The following ZNF362 variants were observed in gnomAD, a reference collection of about 807,000 sequenced individuals.
The protein encoded by ZNF362 is rotund homolog.
Under a neutral mutation model 42.9 loss-of-function variants are expected in ZNF362, and 11 were observed. The ratio of observed to expected loss-of-function variants is 0.26; its 90% confidence interval spans 0.16 to 0.42. The LOEUF is 0.42. Among genes scored for constraint, ZNF362 ranks in the 20% least tolerant of loss-of-function variants. The pLI, the probability that ZNF362 is intolerant of heterozygous loss-of-function variation, is 1.00. For missense variants in ZNF362, 362 were observed against 576.2 expected (o/e 0.63, Z 3.81); for synonymous variants, 255 against 257.3 (o/e 0.99, Z 0.09).
chr1:33,193,024 C>T, the ZNF362 span, among the ~76,000 whole-genome samples: 14 of 119,810 alleles, frequency 1.2e-4, no homozygotes, highest in East Asian at 2.8e-4. Context: ...TATATATATA[C>T]GCATATATAT....
the ZNF362 span, among the ~76,000 whole-genome samples, chr1:33,234,686 G>C: frequency 6.6e-6 from 1 of 152,164 alleles, no homozygotes; most frequent in Non-Finnish European, 1.5e-5. Flanking sequence ...CTGGGATGCT[G>C]GTCCTGACTT....
chr1:33,251,612 C>A (rs1645762333), upstream of ZNF362, among the ~76,000 whole-genome samples: 1 of 152,198 alleles, frequency 6.6e-6, no homozygotes, highest in South Asian at 2.1e-4. Context: ...TAAACCCTTA[C>A]CTATCTGGGC....
chr1:33,169,236 C>T, the ZNF362 span, among the ~76,000 whole-genome samples: 6,900 of 152,150 alleles, frequency 0.045, 260 homozygotes, highest in African/African-American at 0.1. Flanking sequence ...TGCTCCTCTC[C>T]CCATATTCCC....
chr1:33,275,041 G>A (rs1645933341), intron 2 of ZNF362: 1 of 985,260 alleles, frequency 1.0e-6, no homozygotes, highest in Non-Finnish European at 1.2e-6. Context: ...GAGGTTGAAA[G>A]CACTTCATTT....
At chr1:33,161,503 C>T in the ZNF362 span, among the ~76,000 whole-genome samples, 7 of 152,288 alleles carry the variant, frequency 4.6e-5, no homozygotes, top group African/African-American at 1.2e-4. This position sits in a 1 kb window ranked among gnomAD's most constrained non-coding sequence, Gnocchi z 4.3. Flanking sequence ...GTTCCCTCCC[C>T]GACGCGCGGC....
chr1:33,164,685 AG>A, the ZNF362 span: 2 of 152,244 alleles, frequency 1.3e-5, no homozygotes, highest in Non-Finnish European at 2.9e-5. Context: ...CCTGAGCTTA[AG>A]GGGAGATGAT....
chr1:33,218,986 C>CACACATA, the ZNF362 span, among the ~76,000 whole-genome samples: 1 of 146,376 alleles, frequency 6.8e-6, no homozygotes. Context: ...CACACATACA[C>CACACATA]CACCCCCTGC....
the ZNF362 span, among the ~76,000 whole-genome samples, chr1:33,137,466 G>C: frequency 6.6e-6 from 1 of 152,156 alleles, no homozygotes; most frequent in South Asian, 2.1e-4. Context: ...AGGCGTACAG[G>C]GACTTTGAGA....
the ZNF362 span, among the ~76,000 whole-genome samples, chr1:33,250,848 A>AG: frequency 1.1e-4 from 14 of 128,560 alleles, no homozygotes; most frequent in East Asian, 4.5e-4. Flanking sequence ...GAAAGAAGAA[A>AG]GAAGGAAGAA....
upstream of ZNF362, among the ~76,000 whole-genome samples, chr1:33,251,722 AC>A (rs1176858361): frequency 6.6e-6 from 1 of 152,140 alleles, no homozygotes; most frequent in South Asian, 2.1e-4. Context: ...ACCTTCACGT[AC>A]TGTTCTCTCT....
At chr1:33,160,514 C>G in the ZNF362 span, among the ~76,000 whole-genome samples, 1 of 152,080 alleles carries the variant, frequency 6.6e-6, no homozygotes, top group Non-Finnish European at 1.5e-5. Context: ...AGGCGATTCT[C>G]CAGCCTCAGC....
chr1:33,202,338 T>G, the ZNF362 span, among the ~76,000 whole-genome samples: 1 of 152,206 alleles, frequency 6.6e-6, no homozygotes, highest in Non-Finnish European at 1.5e-5. Flanking sequence ...GGCTCACGCC[T>G]GTAATCCCAG....
the ZNF362 span, among the ~76,000 whole-genome samples, chr1:33,173,941 A>C: frequency 6.6e-6 from 1 of 151,954 alleles, no homozygotes; most frequent in Non-Finnish European, 1.5e-5. Context: ...TCTGGCCTCA[A>C]ATGATCCTCC....
chr1:33,250,890 A>AAGAAGAAGAAGAAGG, the ZNF362 span, among the ~76,000 whole-genome samples: 2 of 150,956 alleles, frequency 1.3e-5, no homozygotes, highest in Non-Finnish European at 3.0e-5. Context: ...GAAGAAGAAG[A>AAGAAGAAGAAGAAGG]AGAAGGAGAA....
At chr1:33,277,688 T>C (rs551120954) in intron 4 of ZNF362, among the ~76,000 whole-genome samples, 2 of 152,006 alleles carry the variant, frequency 1.3e-5, no homozygotes, top group African/African-American at 2.4e-5. Flanking sequence ...GAGGACAGGA[T>C]GTAGGAGCAT....
chr1:33,164,259 G>C, the ZNF362 span: 1 of 152,314 alleles, frequency 6.6e-6, no homozygotes, highest in Non-Finnish European at 1.5e-5. Context: ...GGCCAAGCTG[G>C]GGCATAGATC....
At chr1:33,221,990 C>T in the ZNF362 span, among the ~76,000 whole-genome samples, 3 of 151,968 alleles carry the variant, frequency 2.0e-5, no homozygotes, top group Non-Finnish European at 4.4e-5. Flanking sequence ...AGGAAGAGGG[C>T]GACAAGGAGA....
At chr1:33,227,067 G>A in the ZNF362 span, among the ~76,000 whole-genome samples, 1 of 152,116 alleles carries the variant, frequency 6.6e-6, no homozygotes, top group Non-Finnish European at 1.5e-5. Flanking sequence ...AGGGTACAAG[G>A]TTTCTTTTTT....
upstream of ZNF362, among the ~76,000 whole-genome samples, chr1:33,255,529 T>G (rs900661880): frequency 1.3e-5 from 2 of 151,744 alleles, no homozygotes; most frequent in African/African-American, 4.9e-5. Flanking sequence ...CTGACACAGC[T>G]CGGGAGGCCG....
Sources: gnomAD v4.1 joint callset for allele counts (sites outside exome capture counted in the v4.1 genomes callset) on GRCh38, gnomAD v4.1.1 for gene constraint, Gnocchi (gnomAD v3.1) non-coding constraint, MANE v1.5 for transcripts, NCBI Gene and HGNC (gene_info 2026-07-23, HGNC 2026-07-21) for gene names.